DEPDC1B: variants seen among roughly 807,000 people sequenced by gnomAD.
DEPDC1B encodes DEP domain containing 1B.
DEPDC1B carries 51 observed loss-of-function variants against 66.5 expected under a neutral mutation model. That is an observed-to-expected ratio of 0.77 (90% CI 0.61 to 0.97). The LOEUF (loss-of-function observed/expected upper bound fraction) is 0.97, where lower values mean the gene tolerates loss of function less well. Among genes scored for constraint, DEPDC1B ranks in the 50% least tolerant of loss-of-function variants. The probability of loss-of-function intolerance (pLI) is 0.00; values close to 1 mark genes in which losing one functional copy is unlikely to be tolerated. For missense variants in DEPDC1B, 552 were observed against 637.1 expected, an observed-to-expected ratio of 0.87 and a Z score of 1.44; for synonymous variants, 226 against 223.6, an observed-to-expected ratio of 1.01 and a Z score of -0.10.
intron 9 of DEPDC1B, among the ~76,000 whole-genome samples, chr5:60,602,328 T>C (rs1212399140): frequency 6.6e-6 from 1 of 152,214 alleles, no homozygotes; most frequent in Non-Finnish European, 1.5e-5. Flanking sequence ...GTTTTTTCTA[T>C]ATTTCCCAAG....
chr5:60,612,303 G>C (rs530078173), intron 7 of DEPDC1B, among the ~76,000 whole-genome samples: 1 of 151,458 alleles, frequency 6.6e-6, no homozygotes, highest in Non-Finnish European at 1.5e-5. Context: ...TGTGCCTGTC[G>C]TCCCAGCTAT....
At chr5:60,610,005 GC>G (rs1343478836) in intron 7 of DEPDC1B, among the ~76,000 whole-genome samples, 45 of 152,084 alleles carry the variant, frequency 3.0e-4, no homozygotes, top group Admixed American at 3.3e-4. Flanking sequence ...TTTCCCCTCT[GC>G]CCTACTGGAA....
intron 7 of DEPDC1B, among the ~76,000 whole-genome samples, chr5:60,631,869 T>C (rs745781276): frequency 5.3e-4 from 80 of 152,220 alleles, no homozygotes; most frequent in Admixed American, 2.9e-3. Flanking sequence ...TGGTGGCTAG[T>C]GGCTGTCCTA....
intron 7 of DEPDC1B, among the ~76,000 whole-genome samples, chr5:60,614,903 A>C (rs1477731482): frequency 2.0e-5 from 3 of 152,226 alleles, no homozygotes; most frequent in Non-Finnish European, 2.9e-5. Flanking sequence ...AGACAGGAGA[A>C]TCACTTGAAC....
intron 2 of DEPDC1B, among the ~76,000 whole-genome samples, chr5:60,660,340 A>G (rs1249702653): frequency 2.1e-5 from 3 of 145,284 alleles, no homozygotes; most frequent in African/African-American, 7.5e-5. Flanking sequence ...GAGAGAGAGA[A>G]AGAAAAGAAG....
At chr5:60,671,325 A>C (rs1296536821) in intron 2 of DEPDC1B, among the ~76,000 whole-genome samples, 4 of 152,206 alleles carry the variant, frequency 2.6e-5, no homozygotes, top group Non-Finnish European at 5.9e-5. Context: ...CGGATCTGTG[A>C]AGCACAAGAA....
intron 2 of DEPDC1B, among the ~76,000 whole-genome samples, chr5:60,676,106 A>T (rs1754152855): frequency 6.6e-6 from 1 of 150,946 alleles, no homozygotes; most frequent in African/African-American, 2.4e-5. Flanking sequence ...ATTTTTTTGT[A>T]TTTTTAGTAA....
At chr5:60,637,883 C>G (rs1443737718) in intron 7 of DEPDC1B, among the ~76,000 whole-genome samples, 1 of 152,104 alleles carries the variant, frequency 6.6e-6, no homozygotes, top group Non-Finnish European at 1.5e-5. Context: ...ATTGCTGATA[C>G]TTTGTTACAA....
chr5:60,687,086 C>G lies in DEPDC1B; in HGVS notation c.190G>C (p.Gly64Arg). 1 of 1,614,176 alleles carries G rather than the reference C, an allele frequency of 6.2e-7. No individual in the cohort carries two copies. Among genetic ancestry groups the G allele is most frequent in the South Asian group, 1.1e-5 (1 of 91,082 alleles). The change falls in exon 2 of 11, where the codon GGC becomes CGC. Residue 64 changes from glycine to arginine, a missense_variant. Gly to Arg is a moderately radical substitution (Grantham distance 125, BLOSUM62 -2). Transcript: ENST00000265036. ...HELLRCSQNFGPEVTRKQTVQ... is the reference protein window; with the variant it reads ...HELLRCSQNFRPEVTRKQTVQ... ...GTTTGTTTGCGGGTCACTTCAGGGCCGAAGTTTTGACTGCACCTCAGCAGC... is the reference window on the plus strand; with the variant it reads ...GTTTGTTTGCGGGTCACTTCAGGGCGGAAGTTTTGACTGCACCTCAGCAGC...
Position 60,642,578 on chromosome 5 carries a change from G to C in DEPDC1B, c.757+234C>G, listed in dbSNP as rs892264831. Among the ~76,000 whole-genome samples the C allele has an allele frequency of 2.6e-5, 4 of 152,260 alleles. No homozygotes were observed. In the East Asian group the frequency reaches 5.8e-4, roughly 22 times the overall value. On this transcript the variant is annotated intron_variant, in intron 6 of 10. Transcript: ENST00000265036. The stretch of plus-strand genomic sequence containing the variant: ...TCCTGTGATGAAGCAATTAGAACTA[G>C]TGTGGATGGATCTACTAGAAAGTAG...
chr5:60,638,096 C>CA (rs1368672828), intron 7 of DEPDC1B, among the ~76,000 whole-genome samples: 1 of 152,070 alleles, frequency 6.6e-6, no homozygotes, highest in East Asian at 1.9e-4. Flanking sequence ...GCTCTTTTGA[C>CA]AAGAAAACAA....
chr5:60,604,001 C>T (rs535348173), intron 8 of DEPDC1B, among the ~76,000 whole-genome samples: 5 of 151,432 alleles, frequency 3.3e-5, no homozygotes, highest in South Asian at 2.1e-4. Context: ...TGTTTTAAAC[C>T]GCTAACACAG....
intron 2 of DEPDC1B, among the ~76,000 whole-genome samples, chr5:60,666,769 T>C (rs1419902865): frequency 6.6e-6 from 1 of 152,190 alleles, no homozygotes; most frequent in African/African-American, 2.4e-5. Flanking sequence ...TGGCACCGAC[T>C]ACCCTAAGAC....
chr5:60,689,475 T>C (rs1754495624), intron 1 of DEPDC1B, among the ~76,000 whole-genome samples: 1 of 152,230 alleles, frequency 6.6e-6, no homozygotes, highest in South Asian at 2.1e-4. Context: ...TACTCAAATC[T>C]ACCCAGCTAA....
intron 9 of DEPDC1B, among the ~76,000 whole-genome samples, chr5:60,602,483 C>T (rs1193670888): frequency 1.3e-5 from 2 of 152,060 alleles, no homozygotes; most frequent in Non-Finnish European, 2.9e-5. Flanking sequence ...TGTGGTGCCT[C>T]AAAAAGATCT....
In DEPDC1B at chr5:60,700,112, G is replaced by C. The variant is rs1584114561; in HGVS notation, c.-19C>G. 5 of 1,543,244 alleles carry C rather than the reference G, an allele frequency of 3.2e-6. No individual in the cohort carries two copies. The highest frequency in any genetic ancestry group is 4.4e-6 in the Non-Finnish European group (5 of 1,146,858). ...GCTCCATGGCGCGTAGGCAGCAGCG[G>C]CCGCAGCCGCGCCAGCGCTGATCCC... On this transcript the variant is annotated 5_prime_UTR_variant, in exon 1 of 11. Transcript: ENST00000265036.
intron 1 of DEPDC1B, among the ~76,000 whole-genome samples, chr5:60,699,462 A>AAAAAAC (rs397702129): frequency 1.3e-5 from 1 of 79,754 alleles, no homozygotes; most frequent in Non-Finnish European, 2.8e-5. Context: ...AAAAAAAAAA[A>AAAAAAC]CAGGAACTCA....
At chr5:60,688,892 A>G (rs529384198) in intron 1 of DEPDC1B, 2 of 393,384 alleles carry the variant, frequency 5.1e-6, no homozygotes, top group East Asian at 7.5e-5. Context: ...TCCAGGGAAT[A>G]TATATCCCAT....
intron 1 of DEPDC1B, among the ~76,000 whole-genome samples, chr5:60,691,952 A>G (rs756698552): frequency 2.6e-5 from 4 of 152,256 alleles, no homozygotes; most frequent in Non-Finnish European, 5.9e-5. Context: ...CAACAGATAA[A>G]TGAATAAAGA....
Sources: allele counts gnomAD v4.1 joint callset (sites outside exome capture counted in the v4.1 genomes callset), GRCh38; gene constraint gnomAD v4.1.1; transcripts MANE v1.5; gene names NCBI Gene and HGNC (gene_info 2026-07-23, HGNC 2026-07-21).